TMEM231: variants seen among roughly 807,000 people sequenced by gnomAD.
The protein encoded by TMEM231 is transmembrane protein 231.
In TMEM231, 40 loss-of-function variants were observed where a neutral mutation model predicts 38.5. The ratio of observed to expected loss-of-function variants is 1.04; its 90% CI spans 0.81 to 1.35. The LOEUF is 1.35. Ranked by LOEUF, TMEM231 falls within the 40% of genes most tolerant of loss-of-function variation. TMEM231 has a pLI of 0.00. For synonymous variants in TMEM231, 199 were observed against 181.7 expected (o/e 1.10, Z -0.77); for missense variants, 420 against 416.9 (o/e 1.01, Z -0.07).
rs1317839745 is a variant in TMEM231, at chr16:75,555,986, G to C, written c.140-13C>G. 6.3e-6 allele frequency: 10 copies of C among 1,597,040 alleles called. No homozygotes were observed. The highest frequency in any genetic ancestry group is 8.5e-6 in the Non-Finnish European group (10 of 1,171,806). On this transcript the variant is annotated splice_polypyrimidine_tract_variant and intron_variant, in intron 1 of 6. Transcript: ENST00000258173. ...TTCAGCCAAAACCCTGAGTTAAAGA[G>C]GGCGGTAGGGAGGCGGTTAGGGAGG...
intron 2 of TMEM231, among the ~76,000 whole-genome samples, chr16:75,548,114 G>T (rs974734447): frequency 2.6e-5 from 4 of 152,184 alleles, no homozygotes; most frequent in Non-Finnish European, 5.9e-5. Context: ...AGTGAGATTA[G>T]GGCATTTATC....
rs371990909 is a variant in TMEM231, at chr16:75,540,482, T to C, written c.771-308A>G. Among the ~76,000 whole-genome samples, 7 of 152,366 alleles carry C rather than the reference T, an allele frequency of 4.6e-5. No homozygotes were observed. In the East Asian group the frequency reaches 1.2e-3, roughly 25 times the overall value. On this transcript the variant is annotated intron_variant, in intron 6 of 6. Coordinates refer to ENST00000258173, the MANE Select transcript of TMEM231 (RefSeq NM_001077418.3). ...TCCATCTTCTAAAATCTTCCAGTTG[T>C]GTAAACTTGGAACACCCTTAGCCCC...
At position 75,537,262 on chromosome 16, in the gene TMEM231, T is replaced by A. The variant is rs1040573894; in HGVS notation, c.*2732A>T. 6 of 122,714 alleles carry A rather than the reference T, an allele frequency of 4.9e-5. No homozygotes were observed. The highest frequency in any genetic ancestry group is 9.4e-5 in the Non-Finnish European group (6 of 63,808). The allele number at this position is 122,714 out of a possible 1,614,324, so 7.6% of individuals were successfully genotyped here. A position where few individuals can be genotyped will look rare whatever the true frequency, so the allele number is the denominator to read the frequency against. ...TAGCTATATACGAAACCCATACATATACCCCATGAGTCTACAATAAAAGTT... is the reference window on the plus strand; with the variant it reads ...TAGCTATATACGAAACCCATACATAAACCCCATGAGTCTACAATAAAAGTT... On this transcript the variant is annotated 3_prime_UTR_variant, in exon 7 of 7. Coordinates refer to ENST00000258173, the MANE Select transcript of TMEM231 (RefSeq NM_001077418.3).
At position 75,540,078 on chromosome 16, in the gene TMEM231, G is replaced by C. The variant is rs1314589091; in HGVS notation, c.867C>G (p.Ile289Met). 2 of 1,613,716 alleles carry C rather than the reference G, an allele frequency of 1.2e-6. No individual in the cohort carries two copies. Among genetic ancestry groups the C allele is most frequent in the African/African-American group, 1.3e-5 (1 of 74,930 alleles). The change falls in exon 7 of 7, where the codon ATC becomes ATG. Residue 289 changes from isoleucine (I) to methionine (M), a missense_variant. By Grantham distance (10) the Ile-to-Met change is conservative. Transcript: ENST00000258173. ...IFLWVFERIK[I>M]FVFQNQVVTT... ...TCACCACCTGATTCTGAAACACGAA[G>C]ATCTTGATTCTTTCAAACACCCAGA...
chr16:75,551,278 G>C (rs906991811), intron 2 of TMEM231, among the ~76,000 whole-genome samples: 5 of 152,044 alleles, frequency 3.3e-5, no homozygotes, highest in African/African-American at 4.8e-5. Flanking sequence ...GCTCATTGCA[G>C]CCTTGACCTC....
chr16:75,543,305 G>A (rs537977975), intron 4 of TMEM231, among the ~76,000 whole-genome samples: 3 of 152,110 alleles, frequency 2.0e-5, no homozygotes, highest in African/African-American at 4.8e-5. Flanking sequence ...GGAAGCTCAC[G>A]CCTCTAATCC....
In TMEM231 at chr16:75,537,262, T is replaced by C. The variant is rs1040573894; in HGVS notation, c.*2732A>G. 1 of 122,716 alleles carries C rather than the reference T, an allele frequency of 8.1e-6. No individual in the cohort carries two copies. The highest frequency in any genetic ancestry group is 2.5e-3 in the East Asian group (1 of 400). 7.6% of individuals were successfully genotyped at this position (122,716 alleles called of 1,614,324 possible). On this transcript the variant is annotated 3_prime_UTR_variant, in exon 7 of 7. Coordinates refer to ENST00000258173, the MANE Select transcript of TMEM231 (RefSeq NM_001077418.3). ...TAGCTATATACGAAACCCATACATA[T>C]ACCCCATGAGTCTACAATAAAAGTT...
intron 4 of TMEM231, among the ~76,000 whole-genome samples, chr16:75,545,112 G>A (rs994608258): frequency 2.0e-5 from 3 of 151,372 alleles, no homozygotes; most frequent in African/African-American, 7.3e-5. Flanking sequence ...CGCACCACAC[G>A]CCTGGCTAAT....
At position 75,550,689 on chromosome 16, in the gene TMEM231, C is replaced by T. The variant is rs1221482261; in HGVS notation, c.310-4735G>A. On this transcript the variant is annotated intron_variant, in intron 2 of 6. Transcript: ENST00000258173. The stretch of plus-strand genomic sequence containing the variant: ...TTTTGTTTGGTTTCTGTTTTGTTTG[C>T]GTACATTTCATTCATTTAAGTCGTA... 5.3e-5 allele frequency among the ~76,000 whole-genome samples: 8 copies of T among 150,904 alleles called. No individual in the cohort carries two copies. The South Asian group carries it at 8.4e-4, about 16-fold the overall frequency.
At position 75,555,927 on chromosome 16, in the gene TMEM231, G is replaced by C. The variant is rs780587328; in HGVS notation, c.186C>G (p.Arg62=). 3.1e-6 allele frequency: 5 copies of C among 1,604,386 alleles called. No homozygotes were observed. The African/African-American group carries it at 6.7e-5, about 21-fold the overall frequency. The part of the protein sequence containing the change: ...RSSYEEQPTV[R]FQHQVLLVAL... ...CCACGAGCAGCACCTGGTGTTGGAA[G>C]CGCACGGTCGGCTGCTCCTCGTAGC... is the stretch of plus-strand genomic sequence containing the variant. The change falls in exon 2 of 7, where the codon CGC becomes CGG. Residue 62 remains arginine (R), a synonymous_variant. Transcript: ENST00000258173.
chr16:75,541,574 C>A (rs1433925392), intron 5 of TMEM231, 119 bp from the exon 6 acceptor site: 1 of 555,764 alleles, frequency 1.8e-6, no homozygotes, highest in South Asian at 3.8e-5. Context: ...AGAAATCATT[C>A]GGAAGGAAAG....
At chr16:75,548,880 A>G (rs2080723730) in intron 2 of TMEM231, among the ~76,000 whole-genome samples, 1 of 152,214 alleles carries the variant, frequency 6.6e-6, no homozygotes. Context: ...ACAAACAACA[A>G]AAAAACCCAA....
intron 2 of TMEM231, among the ~76,000 whole-genome samples, chr16:75,546,970 A>T (rs887521505): frequency 6.6e-6 from 1 of 152,334 alleles, no homozygotes; most frequent in Non-Finnish European, 1.5e-5. Flanking sequence ...TCTGTAGAGG[A>T]AAAAAGACAA....
At chr16:75,545,331 G>C (rs768201317) in intron 4 of TMEM231, 21 bp downstream of exon 4, 3 of 1,604,956 alleles carry the variant, frequency 1.9e-6, no homozygotes, top group Middle Eastern at 1.7e-4. Flanking sequence ...AAAGGAGCTG[G>C]ACAATGAGAA....
chr16:75,540,967 A>G (rs754120584), intron 6 of TMEM231, among the ~76,000 whole-genome samples: 1 of 152,132 alleles, frequency 6.6e-6, no homozygotes, highest in Non-Finnish European at 1.5e-5. Context: ...TGAGACAACT[A>G]AGGAATCATT....
At chr16:75,547,834 T>C (rs2080711883) in intron 2 of TMEM231, among the ~76,000 whole-genome samples, 1 of 152,142 alleles carries the variant, frequency 6.6e-6, no homozygotes, top group African/African-American at 2.4e-5. Flanking sequence ...GTGGATTTTC[T>C]TCAATTGGGA....
At chr16:75,542,559 A>G in intron 5 of TMEM231, 43 bp downstream of exon 5, 4 of 1,564,522 alleles carry the variant, frequency 2.6e-6, no homozygotes, top group Non-Finnish European at 3.5e-6. Context: ...ACTAACCTTG[A>G]AAGTCCTGAG....
chr16:75,539,292 C>T lies in TMEM231; in HGVS notation c.*702G>A, dbSNP rs1025844443. 3.9e-5 allele frequency: 6 copies of T among 152,372 alleles called. No homozygotes were observed. The highest frequency in any genetic ancestry group is 1.4e-4 in the African/African-American group (6 of 41,472). The allele number at this position is 152,372 out of a possible 1,614,324, so 9.4% of individuals were successfully genotyped here. A position where few individuals can be genotyped will look rare whatever the true frequency, so the allele number is the denominator to read the frequency against. ...TCAGCCTGCCATCCAGGGGCACAGACAGAGGGAAAAATAGGGCAAAGAGCC... is the reference window on the plus strand; with the variant it reads ...TCAGCCTGCCATCCAGGGGCACAGATAGAGGGAAAAATAGGGCAAAGAGCC... On this transcript the variant is annotated 3_prime_UTR_variant, in exon 7 of 7. Transcript: ENST00000258173.
chr16:75,545,508 G>A lies in TMEM231; in HGVS notation c.439-13C>T. ...GGGTCGCCATCCTCTGAAATCATTA[G>A]AAGGACCAACAATACCAACCGCCAT... On this transcript the variant is annotated splice_polypyrimidine_tract_variant and intron_variant, in intron 3 of 6. Transcript: ENST00000258173. 1 of 1,526,694 alleles carries A rather than the reference G, an allele frequency of 6.6e-7. No homozygotes were observed. The highest frequency in any genetic ancestry group is 8.9e-7 in the Non-Finnish European group (1 of 1,129,706). 94.6% of individuals were successfully genotyped at this position (1,526,694 alleles called of 1,614,324 possible). A position where few individuals can be genotyped will look rare whatever the true frequency, so the allele number is the denominator to read the frequency against.
Sources: gnomAD v4.1 joint callset for allele counts (sites outside exome capture counted in the v4.1 genomes callset) on GRCh38, gnomAD v4.1.1 for gene constraint, MANE v1.5 for transcripts, NCBI Gene and HGNC (gene_info 2026-07-23, HGNC 2026-07-21) for gene names.